MDGA2: variants seen among roughly 807,000 people sequenced by gnomAD.
The protein encoded by MDGA2 is MAM domain-containing glycosylphosphatidylinositol anchor protein 2.
In MDGA2, 40 loss-of-function variants were observed where a neutral mutation model predicts 117.8. That is an observed-to-expected ratio of 0.34 (90% CI 0.26 to 0.44). MDGA2 has a LOEUF of 0.44. MDGA2 is among the 20% of genes least tolerant of loss of function. MDGA2 has a pLI of 1.00. For missense variants in MDGA2, 1,123 were observed against 1,250.6 expected (o/e 0.90, Z 1.54); for synonymous variants, 452 against 439.0 (o/e 1.03, Z -0.37).
At chr14:47,329,397 AGAGG>A in intron 1 of MDGA2, among the ~76,000 whole-genome samples, 1 of 152,242 alleles carries the variant, frequency 6.6e-6, no homozygotes, top group East Asian at 1.9e-4. Flanking sequence ...AAAGAATATG[AGAGG>A]GTATCACTCT....
chr14:47,279,354 C>T (rs1264377416), intron 2 of MDGA2, among the ~76,000 whole-genome samples: 3 of 152,104 alleles, frequency 2.0e-5, no homozygotes, highest in Admixed American at 2.0e-4. Flanking sequence ...CTAAGAGACA[C>T]TTGAGTGTGT....
intron 9 of MDGA2, among the ~76,000 whole-genome samples, chr14:46,929,635 A>T (rs866185386): frequency 0.12 from 2,992 of 24,970 alleles, 663 homozygotes; most frequent in Non-Finnish European, 0.18. Flanking sequence ...ATATATATAT[A>T]TATATATATA....
At chr14:47,097,800 C>T (rs1043074404) in intron 5 of MDGA2, among the ~76,000 whole-genome samples, 4 of 151,998 alleles carry the variant, frequency 2.6e-5, no homozygotes, top group African/African-American at 9.7e-5. Context: ...CAAACAGCCA[C>T]CAAACCATGC....
At chr14:47,490,462 C>T (rs1467645963) in intron 1 of MDGA2, among the ~76,000 whole-genome samples, 1 of 152,056 alleles carries the variant, frequency 6.6e-6, no homozygotes, top group South Asian at 2.1e-4. Flanking sequence ...TGACTAACAG[C>T]ATCATTTAAT....
At chr14:47,334,527 T>C (rs755345503) in intron 1 of MDGA2, among the ~76,000 whole-genome samples, 6 of 151,916 alleles carry the variant, frequency 3.9e-5, no homozygotes, top group Non-Finnish European at 8.8e-5. Context: ...AGACCATTAG[T>C]GGGATAATTT....
At chr14:47,438,787 G>A (rs1457945859) in intron 1 of MDGA2, among the ~76,000 whole-genome samples, 1 of 152,118 alleles carries the variant, frequency 6.6e-6, no homozygotes, top group Non-Finnish European at 1.5e-5. Flanking sequence ...GCTTGGCAAT[G>A]TGCTCCAAGC....
At chr14:47,242,682 G>T (rs1887091862) in intron 2 of MDGA2, among the ~76,000 whole-genome samples, 1 of 151,826 alleles carries the variant, frequency 6.6e-6, no homozygotes, top group Non-Finnish European at 1.5e-5. Flanking sequence ...CCTTCCCGCA[G>T]GGCAGTGCTC....
intron 1 of MDGA2, among the ~76,000 whole-genome samples, chr14:47,341,953 C>A (rs1253555534): frequency 6.6e-6 from 1 of 152,070 alleles, no homozygotes; most frequent in Admixed American, 6.6e-5. Context: ...AATTCTCCTG[C>A]CTCAGCCTCC....
intron 1 of MDGA2, among the ~76,000 whole-genome samples, chr14:47,372,725 T>G (rs1294195987): frequency 6.6e-6 from 1 of 151,956 alleles, no homozygotes; most frequent in East Asian, 1.9e-4. Context: ...CCTATAGAAA[T>G]TATTGTATTA....
chr14:47,511,911 G>A (rs762810796), intron 1 of MDGA2, among the ~76,000 whole-genome samples: 11 of 152,108 alleles, frequency 7.2e-5, no homozygotes, highest in Non-Finnish European at 1.3e-4. Context: ...CAGGTCTACC[G>A]CTCAAAGAAA....
chr14:47,562,336 T>C (rs553765927), intron 1 of MDGA2, among the ~76,000 whole-genome samples: 5 of 152,284 alleles, frequency 3.3e-5, no homozygotes, highest in Admixed American at 3.3e-4. Context: ...TGGCAGAATT[T>C]GGTTGTAAAT....
chr14:47,297,985 T>C (rs1174668605), intron 2 of MDGA2, among the ~76,000 whole-genome samples: 1 of 152,168 alleles, frequency 6.6e-6, no homozygotes, highest in Non-Finnish European at 1.5e-5. Context: ...GTTGTATTTG[T>C]ATGTGTGTGT....
chr14:47,391,148 C>T (rs1891885632), intron 1 of MDGA2, among the ~76,000 whole-genome samples: 1 of 152,164 alleles, frequency 6.6e-6, no homozygotes, highest in Non-Finnish European at 1.5e-5. Context: ...ATGATATCCT[C>T]TGTGAAGCTC....
chr14:47,589,977 G>A (rs570092709), intron 1 of MDGA2, among the ~76,000 whole-genome samples: 2 of 151,938 alleles, frequency 1.3e-5, no homozygotes, highest in Admixed American at 1.3e-4. Context: ...TCATTTGCCA[G>A]TGTATAAAAA....
chr14:47,569,423 TA>T (rs574532540), intron 1 of MDGA2, among the ~76,000 whole-genome samples: 14 of 152,162 alleles, frequency 9.2e-5, no homozygotes, highest in Non-Finnish European at 1.6e-4. Flanking sequence ...CCAGTCAGGT[TA>T]AAAAAATTAT....
chr14:47,193,962 T>C (rs1885200514), intron 3 of MDGA2, among the ~76,000 whole-genome samples: 1 of 152,148 alleles, frequency 6.6e-6, no homozygotes. Flanking sequence ...GCTACTAAGA[T>C]CAAAAGCAGA....
chr14:47,241,288 G>C (rs1238292063), intron 2 of MDGA2, among the ~76,000 whole-genome samples: 1 of 151,812 alleles, frequency 6.6e-6, no homozygotes, highest in Non-Finnish European at 1.5e-5. Context: ...GCACATGCAG[G>C]CAAAATGGTG....
At chr14:46,919,876 A>C (rs1416907749) in intron 10 of MDGA2, 136 bp downstream of exon 10, 6 of 668,430 alleles carry the variant, frequency 9.0e-6, no homozygotes, top group Non-Finnish European at 1.4e-5. Context: ...AAACATATCT[A>C]TCTGTCTATC....
chr14:47,267,313 G>A (rs1047642696), intron 2 of MDGA2, among the ~76,000 whole-genome samples: 1 of 151,720 alleles, frequency 6.6e-6, no homozygotes, highest in Non-Finnish European at 1.5e-5. Flanking sequence ...AGATCACAAA[G>A]GCAATTTAAT....
Sources: allele counts gnomAD v4.1 joint callset (sites outside exome capture counted in the v4.1 genomes callset), GRCh38; gene constraint gnomAD v4.1.1; transcripts MANE v1.5; gene names NCBI Gene and HGNC (gene_info 2026-07-23, HGNC 2026-07-21).